Variants in ZNF521 observed in about 807,000 individuals in gnomAD.
ZNF521 encodes LYST-interacting protein 3.
Under a neutral mutation model 105.5 loss-of-function variants are expected in ZNF521, and 14 were observed. That is an observed-to-expected ratio of 0.13 (90% CI 0.09 to 0.21). The LOEUF is 0.21. Among genes scored for constraint, ZNF521 ranks in the 10% least tolerant of loss-of-function variants. The pLI is 1.00. For synonymous variants in ZNF521, 635 were observed against 606.0 expected (o/e 1.05, Z -0.70); for missense variants, 1,233 against 1,629.7 (o/e 0.76, Z 4.19).
At chr18:25,265,871 T>G (rs1909215959) in intron 3 of ZNF521, among the ~76,000 whole-genome samples, 1 of 152,090 alleles carries the variant, frequency 6.6e-6, no homozygotes, top group African/African-American at 2.4e-5. Context: ...AAGAATAAGA[T>G]CCTGTCGTTT....
chr18:25,222,116 A>T (rs1905763173), intron 4 of ZNF521, among the ~76,000 whole-genome samples: 1 of 152,194 alleles, frequency 6.6e-6, no homozygotes, highest in Admixed American at 6.5e-5. Flanking sequence ...CTAAGCTCTT[A>T]TTAATCAGGT....
In ZNF521 at chr18:25,100,992, T is replaced by C. The variant is rs533126660; in HGVS notation, c.3659-8911A>G. On this transcript the variant is annotated intron_variant, in intron 5 of 7. Coordinates refer to ENST00000361524, the MANE Select transcript of ZNF521 (RefSeq NM_015461.3). ...GAGGAGCATTCTGGCCTGGCTGTTC[T>C]GTGGCACATGCAGCTGTGGGGTCAT... 4.6e-5 allele frequency among the ~76,000 whole-genome samples: 7 copies of C among 152,342 alleles called. No individual in the cohort carries two copies. The East Asian group carries it at 1.4e-3, about 29-fold the overall frequency.
chr18:25,133,312 C>T (rs1220344148), intron 5 of ZNF521, among the ~76,000 whole-genome samples: 2 of 152,186 alleles, frequency 1.3e-5, no homozygotes, highest in Non-Finnish European at 2.9e-5. Context: ...TTGCTCCCAT[C>T]TGGCTATGAG....
At chr18:25,117,054 T>TACACAC (rs71167848) in intron 5 of ZNF521, among the ~76,000 whole-genome samples, 1,169 of 64,672 alleles carry the variant, frequency 0.018, 13 homozygotes, top group Admixed American at 0.032. Context: ...CACATATATA[T>TACACAC]ACACACACAC....
intron 4 of ZNF521, among the ~76,000 whole-genome samples, chr18:25,211,052 T>A (rs982846839): frequency 6.6e-6 from 1 of 152,190 alleles, no homozygotes; most frequent in Non-Finnish European, 1.5e-5. Flanking sequence ...TTCCCCAAAG[T>A]GTGAGATATA....
chr18:25,273,563 T>C (rs1909826835), intron 3 of ZNF521: 2 of 152,176 alleles, frequency 1.3e-5, no homozygotes. Flanking sequence ...TTTGGACAAG[T>C]TATTTGCCTT....
At chr18:25,123,853 T>A (rs972088315) in intron 5 of ZNF521, among the ~76,000 whole-genome samples, 1 of 152,234 alleles carries the variant, frequency 6.6e-6, no homozygotes, top group Non-Finnish European at 1.5e-5. Flanking sequence ...GAGGATTTTT[T>A]AAAAGATCTT....
At chr18:25,280,272 T>C (rs1430395704) in intron 3 of ZNF521, among the ~76,000 whole-genome samples, 1 of 152,196 alleles carries the variant, frequency 6.6e-6, no homozygotes, top group Admixed American at 6.5e-5. Flanking sequence ...ACCAGCACCA[T>C]TAAGTGGCAC....
intron 5 of ZNF521, among the ~76,000 whole-genome samples, chr18:25,136,400 A>T (rs1600079954): frequency 6.6e-6 from 1 of 152,320 alleles, no homozygotes; most frequent in East Asian, 1.9e-4. Flanking sequence ...ACACAACAAT[A>T]ATAACAACAA....
chr18:25,078,782 G>A (rs1438726911), intron 7 of ZNF521, among the ~76,000 whole-genome samples: 1 of 152,224 alleles, frequency 6.6e-6, no homozygotes, highest in African/African-American at 2.4e-5. Flanking sequence ...ATCTTGGGTT[G>A]GCTATGAACG....
At chr18:25,245,246 G>A (rs532501340) in intron 3 of ZNF521, among the ~76,000 whole-genome samples, 24 of 152,210 alleles carry the variant, frequency 1.6e-4, no homozygotes, top group South Asian at 4.2e-4. Flanking sequence ...CTTTGAATTC[G>A]TCCTTTTTAT....
intron 5 of ZNF521, among the ~76,000 whole-genome samples, chr18:25,190,515 T>C (rs1027002804): frequency 6.6e-6 from 1 of 152,180 alleles, no homozygotes; most frequent in Non-Finnish European, 1.5e-5. Context: ...CCTTAGGACA[T>C]AAAATCCTAA....
chr18:25,224,317 A>G, intron 4 of ZNF521, 28 bp downstream of exon 4: 2 of 1,580,856 alleles, frequency 1.3e-6, no homozygotes, highest in Non-Finnish European at 1.7e-6. Context: ...AGGAGGTTAA[A>G]TAGCAAACAT....
At chr18:25,326,526 C>T (rs1259360705) in intron 2 of ZNF521, among the ~76,000 whole-genome samples, 6 of 152,092 alleles carry the variant, frequency 3.9e-5, no homozygotes, top group African/African-American at 7.2e-5. Flanking sequence ...ATTAATATGC[C>T]GTAGCTGCAC....
chr18:25,143,714 C>A (rs12958114), intron 5 of ZNF521, among the ~76,000 whole-genome samples: 1,698 of 152,030 alleles, frequency 0.011, 31 homozygotes, highest in Middle Eastern at 0.037. Flanking sequence ...GTGTTTTCCC[C>A]AATTAGAAGG....
intron 3 of ZNF521, among the ~76,000 whole-genome samples, chr18:25,294,421 G>T (rs1041957542): frequency 3.3e-5 from 5 of 152,084 alleles, no homozygotes; most frequent in Admixed American, 3.3e-4. Flanking sequence ...TCTGACTCTG[G>T]AAAAACAGGT....
In ZNF521 at chr18:25,227,218, C is replaced by T. The variant is rs571709268; in HGVS notation, c.700G>A (p.Gly234Ser). ...ATCTTCCAGTCCTCCATCCTGGAAC[C>T]GGACTGAGAGCCGTCCTTGTTCCTC... Reference protein sequence around the residue: ...HERNKDGSQSGSRMEDWKMKD... With the variant: ...HERNKDGSQSSSRMEDWKMKD... Residue 234 changes from glycine to serine, a missense_variant, in exon 4 of 8, where the codon GGT becomes AGT. This residue lies in a region of ZNF521 where 380 missense variants were observed against 478.0 expected (regional missense o/e 0.80). Transcript: ENST00000361524. The surrounding 1 kb of genome is among the most constrained non-coding windows in gnomAD (Gnocchi z 5.7). 29 of 1,613,982 alleles carry T rather than the reference C, an allele frequency of 1.8e-5. No homozygotes were observed. The highest frequency in any genetic ancestry group is 1.1e-4 in the South Asian group (10 of 91,080).
intron 5 of ZNF521, among the ~76,000 whole-genome samples, chr18:25,142,895 G>A (rs1430507874): frequency 6.6e-6 from 1 of 152,030 alleles, no homozygotes; most frequent in Non-Finnish European, 1.5e-5. Flanking sequence ...CTTTGGTTCG[G>A]GTTTTAAAAG....
chr18:25,226,661 T>A lies in ZNF521; in HGVS notation c.1257A>T (p.Ala419=). The change falls in exon 4 of 8, where the codon GCA becomes GCT. Residue 419 remains alanine, a synonymous_variant. Transcript: ENST00000361524. The surrounding 1 kb of genome is among the most constrained non-coding windows in gnomAD (Gnocchi z 4.1). ...TAGTTTTCAGGTGAATCTGCAGAAC[T>A]GCAAGACTTGAAAATAATTGTTTGT... ...YCNKQLFSSL[A]VLQIHLKTMH... is the part of the protein sequence containing the mutation. The A allele has an allele frequency of 1.9e-6, 3 of 1,614,226 alleles. No homozygotes were observed. The Middle Eastern group carries it at 4.9e-4, about 266-fold the overall frequency.
Sources: allele counts gnomAD v4.1 joint callset (sites outside exome capture counted in the v4.1 genomes callset), GRCh38; gene constraint gnomAD v4.1.1; regional missense constraint gnomAD v4.1.1; non-coding constraint Gnocchi (gnomAD v3.1); transcripts MANE v1.5; gene names NCBI Gene and HGNC (gene_info 2026-07-23, HGNC 2026-07-21).